Variants in LRRN3 observed in about 807,000 individuals in gnomAD.
The protein encoded by LRRN3 is leucine rich repeat neuronal 3.
In LRRN3, 15 loss-of-function variants were observed where a neutral mutation model predicts 40.1. The observed-to-expected ratio is 0.37, with a 90% CI of 0.25 to 0.58. The LOEUF (loss-of-function observed/expected upper bound fraction) is 0.58, where lower values mean the gene tolerates loss of function less well. Among genes scored for constraint, LRRN3 ranks in the 20% least tolerant of loss-of-function variants. The pLI, the probability that LRRN3 is intolerant of heterozygous loss-of-function variation, is 0.72. For synonymous variants in LRRN3, 308 were observed against 297.2 expected, an observed-to-expected ratio of 1.04 and a Z score of -0.37; for missense variants, 746 against 837.7, an observed-to-expected ratio of 0.89 and a Z score of 1.35.
chr7:111,113,691 A>G (rs1388455062), intron 2 of LRRN3, among the ~76,000 whole-genome samples: 1 of 151,894 alleles, frequency 6.6e-6, no homozygotes, highest in Non-Finnish European at 1.5e-5. Flanking sequence ...AATGCAGGAT[A>G]ATTGAAAGAG....
Position 111,122,783 on chromosome 7 carries a change from T to C in LRRN3, c.11T>C (p.Met4Thr), listed in dbSNP as rs1379363781. 3 of 1,612,316 alleles carry C rather than the reference T, an allele frequency of 1.9e-6. No individual in the cohort carries two copies. Among genetic ancestry groups the C allele is most frequent in the South Asian group, 1.1e-5 (1 of 90,804 alleles). MKDMPLRIHVLLGL... is the reference protein window; with the variant it reads MKDTPLRIHVLLGL... ...AAGAAGAAAGCTAAGATGAAGGACA[T>C]GCCACTCCGAATTCATGTGCTACTT... The change falls in exon 3 of 3, where the codon ATG becomes ACG. Residue 4 changes from methionine (M) to threonine (T), a missense_variant. Physicochemically the swap from Met to Thr is moderately conservative, Grantham distance 81. Transcript: ENST00000308478.
rs764155545 is a variant in LRRN3, at chr7:111,124,643, A to G, written c.1871A>G (p.Asn624Ser). 20 of 1,613,926 alleles carry G rather than the reference A, an allele frequency of 1.2e-5. No individual in the cohort carries two copies. The African/African-American group carries it at 2.0e-4, about 16-fold the overall frequency. ...CCTGATCAAAAAGAGTATGAAAAGAATAATACCACAACACTTATGGCCTGT... is the reference window on the plus strand; with the variant it reads ...CCTGATCAAAAAGAGTATGAAAAGAGTAATACCACAACACTTATGGCCTGT... ...LHPDQKEYEK[N>S]NTTTLMACLG... Residue 624 changes from asparagine to serine, a missense_variant, in exon 3 of 3, where the codon AAT (asparagine) becomes AGT (serine). By Grantham distance (46) the Asn-to-Ser change is conservative. Transcript: ENST00000308478.
chr7:111,099,575 C>G (rs1016559417), intron 1 of LRRN3, among the ~76,000 whole-genome samples: 1 of 151,676 alleles, frequency 6.6e-6, no homozygotes, highest in Non-Finnish European at 1.5e-5. Flanking sequence ...TTCAACTTGA[C>G]TGTCCTACAA....
intron 2 of LRRN3, among the ~76,000 whole-genome samples, chr7:111,113,826 G>T (rs1210990415): frequency 6.6e-6 from 1 of 152,036 alleles, no homozygotes; most frequent in African/African-American, 2.4e-5. Context: ...ATAAAAGGAT[G>T]ACATCATTTA....
chr7:111,121,011 G>T (rs1800539694), intron 2 of LRRN3, among the ~76,000 whole-genome samples: 1 of 149,954 alleles, frequency 6.7e-6, no homozygotes, highest in African/African-American at 2.4e-5. Context: ...AAATTTCAAA[G>T]CTAATGAAAA....
chr7:111,093,285 A>T (rs921412492), intron 1 of LRRN3, among the ~76,000 whole-genome samples: 5 of 152,020 alleles, frequency 3.3e-5, no homozygotes, highest in African/African-American at 4.8e-5. Flanking sequence ...TGCAATCTAT[A>T]AAAAAAACCA....
intron 2 of LRRN3, among the ~76,000 whole-genome samples, chr7:111,115,633 G>T (rs1799791288): frequency 6.6e-6 from 1 of 151,504 alleles, no homozygotes; most frequent in African/African-American, 2.4e-5. Flanking sequence ...TGAGACATTT[G>T]CAATTATTTT....
At chr7:111,092,172 C>T (rs1796941205) in intron 1 of LRRN3, among the ~76,000 whole-genome samples, 1 of 152,150 alleles carries the variant, frequency 6.6e-6, no homozygotes, top group South Asian at 2.1e-4. Flanking sequence ...TAATAACATC[C>T]CCTCGCTGGT....
At position 111,124,510 on chromosome 7, in the gene LRRN3, C is replaced by G. The variant is rs1300741982; in HGVS notation, c.1738C>G (p.Leu580Val). 1 of 1,613,734 alleles carries G rather than the reference C, an allele frequency of 6.2e-7. No individual in the cohort carries two copies. The highest frequency in any genetic ancestry group is 8.5e-7 in the Non-Finnish European group (1 of 1,179,916). Residue 580 changes from leucine to valine, a missense_variant, in exon 3 of 3, where the codon CTT becomes GTT. Physicochemically the swap from Leu to Val is conservative, Grantham distance 32. Coordinates refer to ENST00000308478, the MANE Select transcript of LRRN3 (RefSeq NM_001099658.2). Reference sequence around the variant, plus strand: ...ACCATCTGATGTCAAGGTATATAATCTTACTCATCTGAATCCATCAACTGA... The same window carrying G: ...ACCATCTGATGTCAAGGTATATAATGTTACTCATCTGAATCCATCAACTGA... ...RIPSDVKVYN[L>V]THLNPSTEYK...
intron 2 of LRRN3, among the ~76,000 whole-genome samples, chr7:111,121,554 G>A (rs1800619507): frequency 6.6e-6 from 1 of 152,146 alleles, no homozygotes; most frequent in African/African-American, 2.4e-5. Context: ...CAGTTAGAAT[G>A]GCAATCATTA....
intron 2 of LRRN3, among the ~76,000 whole-genome samples, chr7:111,116,109 A>T (rs1342598047): frequency 6.6e-6 from 1 of 152,236 alleles, no homozygotes; most frequent in East Asian, 1.9e-4. Flanking sequence ...CAGGAGAGAG[A>T]ATTGTGCTAT....
rs150630214 is a variant in LRRN3, at chr7:111,100,198, A to C, written c.-359+236A>C. 4.9e-3 allele frequency among the ~76,000 whole-genome samples: 740 copies of C among 151,652 alleles called. 8 individuals are homozygous for C. The highest frequency in any genetic ancestry group is 0.02 in the South Asian group (95 of 4,822). On this transcript the variant is annotated intron_variant, in intron 2 of 2. Transcript: ENST00000308478. The stretch of plus-strand genomic sequence containing the variant: ...CTGGTTACATGAATAAATTATTTAG[A>C]GGTGATTTCTGAGATTTTGGTGCAC...
intron 1 of LRRN3, among the ~76,000 whole-genome samples, chr7:111,099,224 A>C (rs1319823063): frequency 6.6e-6 from 1 of 151,720 alleles, no homozygotes; most frequent in East Asian, 1.9e-4. Flanking sequence ...CATTGGTCTC[A>C]AATTTCATTA....
chr7:111,106,565 A>ATC (rs1309266883), intron 2 of LRRN3, among the ~76,000 whole-genome samples: 1 of 151,408 alleles, frequency 6.6e-6, no homozygotes, highest in Non-Finnish European at 1.5e-5. Flanking sequence ...GCTTGAGTGA[A>ATC]AGGCTTGCTA....
chr7:111,111,551 G>T (rs1257784196), intron 2 of LRRN3, among the ~76,000 whole-genome samples: 1 of 151,870 alleles, frequency 6.6e-6, no homozygotes, highest in Non-Finnish European at 1.5e-5. Context: ...TTCATAACCT[G>T]ATATAGACTA....
At chr7:111,114,432 T>G (rs192861335) in intron 2 of LRRN3, among the ~76,000 whole-genome samples, 10 of 152,210 alleles carry the variant, frequency 6.6e-5, no homozygotes, top group Non-Finnish European at 1.5e-4. Flanking sequence ...TACATTGTAT[T>G]AAGTTTGCAC....
chr7:111,119,075 C>A (rs1034234443), intron 2 of LRRN3, among the ~76,000 whole-genome samples: 1 of 152,112 alleles, frequency 6.6e-6, no homozygotes, highest in Non-Finnish European at 1.5e-5. Flanking sequence ...TTAATATTTC[C>A]AAACCTCTAG....
rs1424115302 is a variant in LRRN3, at chr7:111,124,988, A to C, written c.*89A>C. The C allele has an allele frequency of 1.1e-6, 1 of 946,844 alleles. No individual in the cohort carries two copies. Among genetic ancestry groups the C allele is most frequent in the Non-Finnish European group, 1.5e-6 (1 of 646,966 alleles). 58.7% of individuals were successfully genotyped at this position (946,844 alleles called of 1,614,324 possible). On this transcript the variant is annotated 3_prime_UTR_variant, in exon 3 of 3. Coordinates refer to ENST00000308478, the MANE Select transcript of LRRN3 (RefSeq NM_001099658.2). ...TGCTAAAAACAAAACAAAACAAACA[A>C]ACAAACAAAAAAGTAAAAAAAGATT...
chr7:111,112,292 T>C (rs1333913007), intron 2 of LRRN3, among the ~76,000 whole-genome samples: 1 of 152,122 alleles, frequency 6.6e-6, no homozygotes, highest in Non-Finnish European at 1.5e-5. Context: ...AACCTGCATA[T>C]AGTGCCTTTA....
Sources: gnomAD v4.1 joint callset for allele counts (sites outside exome capture counted in the v4.1 genomes callset) on GRCh38, gnomAD v4.1.1 for gene constraint, MANE v1.5 for transcripts, NCBI Gene and HGNC (gene_info 2026-07-23, HGNC 2026-07-21) for gene names.